Variants in ATAD5 observed in about 807,000 individuals in gnomAD.
The protein encoded by ATAD5 is ATPase family AAA domain containing 5.
Under a neutral mutation model 176.9 loss-of-function variants are expected in ATAD5, and 58 were observed. The observed-to-expected ratio is 0.33, with a 90% CI of 0.27 to 0.41. The LOEUF is 0.41. Among genes scored for constraint, ATAD5 ranks in the 10% least tolerant of loss-of-function variants. The pLI is 1.00. For synonymous variants in ATAD5, 640 were observed against 712.6 expected (o/e 0.90, Z 1.62); for missense variants, 1,789 against 2,094.1 (o/e 0.85, Z 2.84).
intron 14 of ATAD5, among the ~76,000 whole-genome samples, chr17:30,873,689 C>CT (rs775055653): frequency 0.051 from 6,616 of 129,508 alleles, 463 homozygotes; most frequent in African/African-American, 0.15. Flanking sequence ...TAAAAATTGC[C>CT]TTTTTTTTTT....
chr17:30,882,393 G>C (rs929464902), intron 18 of ATAD5, among the ~76,000 whole-genome samples: 2 of 151,934 alleles, frequency 1.3e-5, no homozygotes, highest in Non-Finnish European at 2.9e-5. Flanking sequence ...GCGAAATCCT[G>C]TCTCTACAAA....
At chr17:30,878,718 G>GGTTTTTTTTTT (rs1908812554) in intron 17 of ATAD5, among the ~76,000 whole-genome samples, 14 of 56,876 alleles carry the variant, frequency 2.5e-4, no homozygotes, top group African/African-American at 8.6e-4. Context: ...GTTAGGTGGT[G>GGTTTTTTTTTT]TTTTTTTTTT....
At chr17:30,881,818 G>A (rs1368216211) in intron 18 of ATAD5, among the ~76,000 whole-genome samples, 1 of 152,112 alleles carries the variant, frequency 6.6e-6, no homozygotes, top group Non-Finnish European at 1.5e-5. Flanking sequence ...GGAGATTGAG[G>A]TGGGAGGATC....
In ATAD5 at chr17:30,835,267, A is replaced by T. The variant is rs774562306; in HGVS notation, c.1186A>T (p.Thr396Ser). 6.2e-7 allele frequency: 1 copy of T among 1,614,018 alleles called. No individual in the cohort carries two copies. Among genetic ancestry groups the T allele is most frequent in the Non-Finnish European group, 8.5e-7 (1 of 1,180,018 alleles). ...GSSEAVKPKC[T>S]LEERQQFMKA... Reference sequence around the variant, plus strand: ...TTCTGAAGCTGTGAAACCAAAATGCACTCTAGAAGAAAGACAGCAATTTAT... The same window carrying T: ...TTCTGAAGCTGTGAAACCAAAATGCTCTCTAGAAGAAAGACAGCAATTTAT... Residue 396 changes from threonine to serine, a missense_variant, in exon 2 of 23, where the codon ACT becomes TCT. Physicochemically the swap from Thr to Ser is moderately conservative, Grantham distance 58. Around this residue, in one of 6 missense-constraint regions of ATAD5, gnomAD observed 696 missense variants for 712.5 expected, o/e 0.98. Transcript: ENST00000321990.
In ATAD5 at chr17:30,838,475, C is replaced by G. The variant is rs1356653428; in HGVS notation, c.2076+1161C>G. The stretch of plus-strand genomic sequence containing the variant: ...CCTTTTTTATAGATGAAGAAACTTG[C>G]TGTTAGTTCATAGGGTGAGGAAACG... On this transcript the variant is annotated intron_variant, in intron 3 of 22. Coordinates refer to ENST00000321990, the MANE Select transcript of ATAD5 (RefSeq NM_024857.5). 2.6e-5 allele frequency among the ~76,000 whole-genome samples: 4 copies of G among 152,110 alleles called. No homozygotes were observed. In the East Asian group the frequency reaches 7.7e-4, roughly 29 times the overall value.
At chr17:30,875,122 C>T (rs1908583104) in intron 14 of ATAD5, among the ~76,000 whole-genome samples, 1 of 151,860 alleles carries the variant, frequency 6.6e-6, no homozygotes. Context: ...GAATAGGACA[C>T]AGATATGGAA....
chr17:30,870,231 T>G (rs1330838692), intron 14 of ATAD5, among the ~76,000 whole-genome samples: 1 of 152,252 alleles, frequency 6.6e-6, no homozygotes, highest in Non-Finnish European at 1.5e-5. Context: ...GTTCATATCT[T>G]ACATTTGATT....
chr17:30,894,820 T>G lies in ATAD5; in HGVS notation c.5457-15T>G. On this transcript the variant is annotated splice_polypyrimidine_tract_variant and intron_variant, in intron 22 of 22. Coordinates refer to ENST00000321990, the MANE Select transcript of ATAD5 (RefSeq NM_024857.5). Reference sequence around the variant, plus strand: ...TGTTAATATTAAATTGTATTTTTCTTTGTAATTTTGACAGATTCCTGCACT... The same window carrying G: ...TGTTAATATTAAATTGTATTTTTCTGTGTAATTTTGACAGATTCCTGCACT... 1.3e-6 allele frequency: 2 copies of G among 1,575,958 alleles called. No individual in the cohort carries two copies. Among genetic ancestry groups the G allele is most frequent in the Non-Finnish European group, 1.7e-6 (2 of 1,165,938 alleles).
Position 30,832,087 on chromosome 17 carries a change from G to T in ATAD5, c.-261G>T, listed in dbSNP as rs968428031. 38 of 384,992 alleles carry T rather than the reference G, an allele frequency of 9.9e-5. No individual in the cohort carries two copies. Among genetic ancestry groups the T allele is most frequent in the African/African-American group, 7.9e-4 (38 of 48,102 alleles). The allele number at this position is 384,992 out of a possible 1,614,324, so 23.8% of individuals were successfully genotyped here. A position where few individuals can be genotyped will look rare whatever the true frequency, so the allele number is the denominator to read the frequency against. On this transcript the variant is annotated 5_prime_UTR_variant, in exon 1 of 23. Transcript: ENST00000321990. The stretch of plus-strand genomic sequence containing the variant: ...GCGCTCAGCCTGAAGCGCCGCTTTC[G>T]AGGGCACCCTGCATACACTGGCCGC...
Position 30,860,583 on chromosome 17 carries a change from C to T in ATAD5, c.3107C>T (p.Ser1036Phe). Residue 1036 changes from serine (S) to phenylalanine (F), a missense_variant, in exon 10 of 23, where the codon TCT becomes TTT. By Grantham distance (155) the Ser-to-Phe change is radical (BLOSUM62 -2). Coordinates refer to ENST00000321990, the MANE Select transcript of ATAD5 (RefSeq NM_024857.5). ...GAAGAACTTAGCAAAAGAAACAACT[C>T]TTCTGGGATAAAGCTAGATTCTTCC... ...KSEELSKRNNSSGIKLDSSKD... is the reference protein window; with the variant it reads ...KSEELSKRNNFSGIKLDSSKD... 6.3e-7 allele frequency: 1 copy of T among 1,578,660 alleles called. No homozygotes were observed. Among genetic ancestry groups the T allele is most frequent in the Non-Finnish European group, 8.5e-7 (1 of 1,171,612 alleles).
chr17:30,840,252 A>G (rs1015039337), intron 3 of ATAD5, among the ~76,000 whole-genome samples: 2 of 151,142 alleles, frequency 1.3e-5, no homozygotes, highest in African/African-American at 4.9e-5. Context: ...GTATTATAAT[A>G]CTGTTTTCTT....
chr17:30,895,094 T>A lies in ATAD5; in HGVS notation c.*181T>A, dbSNP rs571633693. ...TTTGAGTTACAAATTTTATATATGA[T>A]TGTAATTTTTTTTCTGAATTTTTTG... is the stretch of plus-strand genomic sequence containing the variant. On this transcript the variant is annotated 3_prime_UTR_variant, in exon 23 of 23. Transcript: ENST00000321990. The A allele has an allele frequency of 6.6e-6, 3 of 456,608 alleles. No homozygotes were observed. The highest frequency in any genetic ancestry group is 1.2e-4 in the South Asian group (2 of 16,948). 28.3% of individuals were successfully genotyped at this position (456,608 alleles called of 1,614,324 possible).
At chr17:30,891,884 C>T (rs185946176) in intron 19 of ATAD5, among the ~76,000 whole-genome samples, 46 of 150,324 alleles carry the variant, frequency 3.1e-4, no homozygotes, top group Admixed American at 4.7e-4. Context: ...CAAGGTTTCA[C>T]CATGTTGCCC....
chr17:30,847,353 T>G (rs1906576661), intron 6 of ATAD5, among the ~76,000 whole-genome samples: 1 of 149,802 alleles, frequency 6.7e-6, no homozygotes, highest in Admixed American at 6.6e-5. Context: ...GAGAGAGAGA[T>G]GGAGTCTTGC....
chr17:30,842,603 T>A (rs1597955742), intron 4 of ATAD5, among the ~76,000 whole-genome samples: 1 of 152,204 alleles, frequency 6.6e-6, no homozygotes, highest in East Asian at 1.9e-4. Flanking sequence ...AATCACAGAC[T>A]TCATTACATT....
At chr17:30,871,893 G>A (rs1173646943) in intron 14 of ATAD5, among the ~76,000 whole-genome samples, 1 of 151,996 alleles carries the variant, frequency 6.6e-6, no homozygotes, top group Non-Finnish European at 1.5e-5. Flanking sequence ...ATGTGGTTAA[G>A]TTAGTTGGGA....
chr17:30,851,692 C>T (rs115286349), intron 6 of ATAD5, among the ~76,000 whole-genome samples: 2,834 of 152,086 alleles, frequency 0.019, 107 homozygotes, highest in African/African-American at 0.064. Context: ...AAGTGATTAT[C>T]GTGCCTTAGC....
chr17:30,858,645 C>T (rs1243740675), intron 9 of ATAD5, among the ~76,000 whole-genome samples: 1 of 152,008 alleles, frequency 6.6e-6, no homozygotes, highest in East Asian at 1.9e-4. Flanking sequence ...CTCAGCCCCC[C>T]AAAATGCTGG....
Position 30,834,194 on chromosome 17 carries a change from C to T in ATAD5, c.113C>T (p.Thr38Ile). 1.3e-6 allele frequency: 2 copies of T among 1,588,474 alleles called. No homozygotes were observed. The highest frequency in any genetic ancestry group is 1.7e-4 in the Middle Eastern group (1 of 5,956). The change falls in exon 2 of 23, where the codon ACA becomes ATA. Residue 38 changes from threonine to isoleucine, a missense_variant. Coordinates refer to ENST00000321990, the MANE Select transcript of ATAD5 (RefSeq NM_024857.5). ...KKDDDTSTCK[T>I]ITKYLSPLGK... is the part of the protein sequence containing the mutation. ...GATGATGACACATCTACCTGCAAAA[C>T]AATTACAAAATATTTATCACCACTA... is the stretch of plus-strand genomic sequence containing the variant.
Sources: gnomAD v4.1 joint callset for allele counts (sites outside exome capture counted in the v4.1 genomes callset) on GRCh38, gnomAD v4.1.1 for gene constraint, gnomAD v4.1.1 regional missense constraint, MANE v1.5 for transcripts, NCBI Gene and HGNC (gene_info 2026-07-23, HGNC 2026-07-21) for gene names.